ADAMTS9: variants seen among roughly 807,000 people sequenced by gnomAD.
ADAMTS9 encodes the protein A disintegrin and metalloproteinase with thrombospondin motifs 9.
ADAMTS9 carries 107 observed loss-of-function variants against 257.1 expected under a neutral mutation model. That is an observed-to-expected ratio of 0.42 (90% CI 0.36 to 0.49). The LOEUF is 0.49. ADAMTS9 is among the 20% of genes least tolerant of loss of function. ADAMTS9 has a pLI of 0.03. For synonymous variants in ADAMTS9, 982 were observed against 880.9 expected, an observed-to-expected ratio of 1.11 and a Z score of -2.03; for missense variants, 2,353 against 2,469.1, an observed-to-expected ratio of 0.95 and a Z score of 1.00.
At chr3:64,566,435 G>A (rs1351943793) in intron 29 of ADAMTS9, among the ~76,000 whole-genome samples, 1 of 152,100 alleles carries the variant, frequency 6.6e-6, no homozygotes, top group African/African-American at 2.4e-5. Context: ...TTCTACAAAG[G>A]TGACTTGACT....
chr3:64,584,677 A>T (rs73832335), intron 28 of ADAMTS9, among the ~76,000 whole-genome samples: 2,492 of 152,206 alleles, frequency 0.016, 56 homozygotes, highest in African/African-American at 0.056. Context: ...GAAAGATTGC[A>T]AGAACATCAT....
At chr3:64,595,819 C>T (rs1369209947) in intron 27 of ADAMTS9, among the ~76,000 whole-genome samples, 6 of 152,102 alleles carry the variant, frequency 3.9e-5, no homozygotes, top group Non-Finnish European at 7.3e-5. Flanking sequence ...GCACTGGGAC[C>T]TCCAAAGTGT....
intron 29 of ADAMTS9, among the ~76,000 whole-genome samples, chr3:64,563,757 TACC>T (rs1300567053): frequency 6.6e-6 from 1 of 152,234 alleles, no homozygotes; most frequent in Non-Finnish European, 1.5e-5. Context: ...AGCTTTGAAA[TACC>T]ACATTCAAAA....
intron 30 of ADAMTS9, among the ~76,000 whole-genome samples, chr3:64,553,458 G>T (rs1280057841): frequency 6.6e-6 from 1 of 152,110 alleles, no homozygotes; most frequent in Non-Finnish European, 1.5e-5. Context: ...TCAGTTGATG[G>T]ACATATGGGT....
At chr3:64,657,825 CAT>C (rs749846879) in intron 4 of ADAMTS9, among the ~76,000 whole-genome samples, 4 of 152,174 alleles carry the variant, frequency 2.6e-5, no homozygotes, top group African/African-American at 4.8e-5. Flanking sequence ...TGGAAGTCTG[CAT>C]AGAGAATGAT....
At chr3:64,677,500 C>T (rs1265974934) in intron 3 of ADAMTS9, among the ~76,000 whole-genome samples, 3 of 152,144 alleles carry the variant, frequency 2.0e-5, no homozygotes, top group Admixed American at 6.5e-5. Context: ...GGCAGGGTGA[C>T]CTTGGGCAAG....
chr3:64,638,273 T>G (rs140053687), intron 12 of ADAMTS9, among the ~76,000 whole-genome samples: 1 of 152,330 alleles, frequency 6.6e-6, no homozygotes, highest in Non-Finnish European at 1.5e-5. Flanking sequence ...CCATTTTGTT[T>G]CAGCCACAAG....
At chr3:64,676,043 A>G (rs1701617339) in intron 3 of ADAMTS9, among the ~76,000 whole-genome samples, 1 of 152,186 alleles carries the variant, frequency 6.6e-6, no homozygotes. Flanking sequence ...TGGAGATTAA[A>G]TCTTAATAAT....
intron 3 of ADAMTS9, among the ~76,000 whole-genome samples, chr3:64,661,305 A>AG (rs1233306559): frequency 4.4e-5 from 6 of 135,376 alleles, no homozygotes; most frequent in South Asian, 2.8e-4. Context: ...ATTTGTATAC[A>AG]TATATGAGCT....
At chr3:64,630,939 G>A (rs1002456415) in intron 16 of ADAMTS9, among the ~76,000 whole-genome samples, 1 of 152,116 alleles carries the variant, frequency 6.6e-6, no homozygotes, top group Admixed American at 6.5e-5. Context: ...AATCTGTATA[G>A]TATTGCTATT....
At chr3:64,680,738 CAT>C (rs1701733035) in intron 3 of ADAMTS9, among the ~76,000 whole-genome samples, 2 of 152,130 alleles carry the variant, frequency 1.3e-5, no homozygotes, top group Admixed American at 6.5e-5. Context: ...TCAACAAACA[CAT>C]ATATGTTTTC....
Position 64,686,071 on chromosome 3 carries a change from G to A in ADAMTS9, c.516+497C>T, listed in dbSNP as rs547230839. On this transcript the variant is annotated intron_variant, in intron 2 of 39. Transcript: ENST00000498707. The surrounding 1 kb of genome is among the most constrained non-coding windows in gnomAD (Gnocchi z 4.6). Reference sequence around the variant, plus strand: ...AATAAAGGCCCTGAGAGAAAGCGGGGACTCTAGATTACGCACCGCCCTCCA... The same window carrying A: ...AATAAAGGCCCTGAGAGAAAGCGGGAACTCTAGATTACGCACCGCCCTCCA... 6.6e-6 allele frequency among the ~76,000 whole-genome samples: 1 copy of A among 152,282 alleles called. No individual in the cohort carries two copies. Among genetic ancestry groups the A allele is most frequent in the East Asian group, 1.9e-4 (1 of 5,150 alleles).
intron 38 of ADAMTS9, 48 bp from the exon 39 acceptor site, chr3:64,522,308 C>T (rs778344592): frequency 1.9e-5 from 30 of 1,561,522 alleles, no homozygotes; most frequent in Admixed American, 5.0e-5. Flanking sequence ...TTAATGCTTT[C>T]AGGGCCTGCA....
intron 8 of ADAMTS9, among the ~76,000 whole-genome samples, chr3:64,652,190 A>G (rs1700948003): frequency 6.6e-6 from 1 of 152,206 alleles, no homozygotes; most frequent in African/African-American, 2.4e-5. Context: ...GATTACAGAA[A>G]TAAGTGAGTC....
chr3:64,531,122 T>C (rs897447415), intron 38 of ADAMTS9, among the ~76,000 whole-genome samples: 1 of 152,144 alleles, frequency 6.6e-6, no homozygotes, highest in East Asian at 1.9e-4. Context: ...TTTGAGGACA[T>C]TGATTGGCTG....
intron 23 of ADAMTS9, among the ~76,000 whole-genome samples, chr3:64,604,851 TAACAC>T (rs2084530256): frequency 6.6e-6 from 1 of 152,230 alleles, no homozygotes; most frequent in Admixed American, 6.5e-5. Flanking sequence ...GGACTTCATA[TAACAC>T]CCCTCAATCA....
In ADAMTS9 at chr3:64,641,936, A is replaced by T. The variant is rs370134786; in HGVS notation, c.1768T>A (p.Ser590Thr). 8 of 1,613,954 alleles carry T rather than the reference A, an allele frequency of 5.0e-6. No individual in the cohort carries two copies. The highest frequency in any genetic ancestry group is 1.3e-5 in the African/African-American group (1 of 74,894). Reference protein sequence around the residue: ...KEMDVPVTDGSWGSWSPFGTC... With the variant: ...KEMDVPVTDGTWGSWSPFGTC... ...CCAAAGGGACTCCAACTTCCCCAGG[A>T]TCCATCTGTCACGGGGACATCCATT... The change falls in exon 12 of 40, where the codon TCC becomes ACC. Residue 590 changes from serine to threonine, a missense_variant. By Grantham distance (58) the Ser-to-Thr change is moderately conservative. Transcript: ENST00000498707.
In ADAMTS9 at chr3:64,687,690, C is replaced by T. The variant is rs1188419491; in HGVS notation, c.-33G>A. 2 of 1,425,938 alleles carry T rather than the reference C, an allele frequency of 1.4e-6. No individual in the cohort carries two copies. Among genetic ancestry groups the T allele is most frequent in the Non-Finnish European group, 1.9e-6 (2 of 1,060,458 alleles). 88.3% of individuals were successfully genotyped at this position (1,425,938 alleles called of 1,614,324 possible). A position where few individuals can be genotyped will look rare whatever the true frequency, so the allele number is the denominator to read the frequency against. On this transcript the variant is annotated 5_prime_UTR_variant, in exon 1 of 40. The change creates a new upstream start codon in the 5' untranslated region. Transcript: ENST00000498707. The surrounding 1 kb of genome is among the most constrained non-coding windows in gnomAD (Gnocchi z 4.4). ...CCCACCCCTCCCTCCGCTGCCCCCA[C>T]CCCCCTCCCTCCTGCCCTCCTTGGC...
intron 28 of ADAMTS9, among the ~76,000 whole-genome samples, chr3:64,572,950 C>A (rs921019829): frequency 2.0e-5 from 3 of 151,942 alleles, no homozygotes; most frequent in African/African-American, 7.2e-5. Context: ...TGGTGGCATG[C>A]ACCTGTAGTT....
Sources: gnomAD v4.1 joint callset for allele counts (sites outside exome capture counted in the v4.1 genomes callset) on GRCh38, gnomAD v4.1.1 for gene constraint, Gnocchi (gnomAD v3.1) non-coding constraint, MANE v1.5 for transcripts, NCBI Gene and HGNC (gene_info 2026-07-23, HGNC 2026-07-21) for gene names.